The following AGPAT2 variants were observed in gnomAD, a reference collection of about 807,000 sequenced individuals.
The protein encoded by AGPAT2 is 1-acylglycerol-3-phosphate O-acyltransferase 2, also known as 1-acyl-sn-glycerol-3-phosphate acyltransferase beta.
AGPAT2 carries 18 observed loss-of-function variants against 26.1 expected under a neutral mutation model. The ratio of observed to expected loss-of-function variants is 0.69; its 90% CI spans 0.48 to 1.02. The LOEUF is 1.02. Among genes scored for constraint, AGPAT2 ranks in the 50% least tolerant of loss-of-function variants. The pLI, the probability that AGPAT2 is intolerant of heterozygous loss-of-function variation, is 0.00. For synonymous variants in AGPAT2, 200 were observed against 174.2 expected (o/e 1.15, Z -1.16); for missense variants, 415 against 394.9 (o/e 1.05, Z -0.43).
At chr9:136,678,610 T>G (rs924599825) in intron 1 of AGPAT2, among the ~76,000 whole-genome samples, 1 of 152,044 alleles carries the variant, frequency 6.6e-6, no homozygotes, top group Non-Finnish European at 1.5e-5. Flanking sequence ...CCCCCACCAT[T>G]TGATCCCCCA....
intron 3 of AGPAT2, 106 bp downstream of exon 3, chr9:136,676,855 T>C: frequency 1.4e-6 from 2 of 1,390,668 alleles, no homozygotes; most frequent in Non-Finnish European, 2.0e-6. Flanking sequence ...GCATGGATGA[T>C]GTGGGGGTCT....
intron 3 of AGPAT2, 49 bp from the exon 4 acceptor site, chr9:136,676,729 G>C: frequency 6.4e-7 from 1 of 1,555,414 alleles, no homozygotes. Flanking sequence ...GGCCACCCCA[G>C]AAAGGCCACG....
intron 1 of AGPAT2, among the ~76,000 whole-genome samples, chr9:136,684,610 C>T (rs1345679326): frequency 5.3e-5 from 8 of 152,224 alleles, no homozygotes; most frequent in African/African-American, 9.6e-5. Flanking sequence ...CAAGATGGAG[C>T]GCCCCTCCCA....
intron 1 of AGPAT2, among the ~76,000 whole-genome samples, chr9:136,684,704 G>A (rs1050262409): frequency 6.6e-6 from 1 of 152,202 alleles, no homozygotes. Flanking sequence ...AGGTACTCTG[G>A]AGTCACTGTC....
chr9:136,677,183 G>A (rs771887534), intron 2 of AGPAT2, 47 bp from the exon 3 acceptor site: 1 of 1,602,118 alleles, frequency 6.2e-7, no homozygotes. Flanking sequence ...GAGACAGCGT[G>A]CGCTGGAAGA....
At chr9:136,677,209 C>A in intron 2 of AGPAT2, 73 bp from the exon 3 acceptor site, 1 of 1,573,304 alleles carries the variant, frequency 6.4e-7, no homozygotes, top group South Asian at 1.1e-5. Context: ...GCTGAGCACC[C>A]ACAGGCCTGC....
chr9:136,677,671 G>C, intron 1 of AGPAT2, 115 bp from the exon 2 acceptor site: 1 of 1,320,588 alleles, frequency 7.6e-7, no homozygotes, highest in Non-Finnish European at 1.1e-6. Context: ...CCTGGCACGG[G>C]GCAGGAGACC....
chr9:136,681,241 C>G (rs1003878483), intron 1 of AGPAT2, among the ~76,000 whole-genome samples: 2 of 152,216 alleles, frequency 1.3e-5, no homozygotes, highest in Non-Finnish European at 2.9e-5. Context: ...CGCCCACCAC[C>G]GGCCCCTGGT....
In AGPAT2 at chr9:136,673,940, C is replaced by A; in HGVS notation, c.662-13G>T. On this transcript the variant is annotated splice_polypyrimidine_tract_variant and intron_variant, in intron 5 of 5. Transcript: ENST00000371696. ...ACTGTGACTGTTCCTGTGGGGGAAG[C>A]AACAGACCTCAGTGGCCTGTGGGGA... 1.3e-6 allele frequency: 2 copies of A among 1,533,510 alleles called. No individual in the cohort carries two copies. Among genetic ancestry groups the A allele is most frequent in the Non-Finnish European group, 1.8e-6 (2 of 1,135,516 alleles). The allele number at this position is 1,533,510 out of a possible 1,614,324, so 95.0% of individuals were successfully genotyped here.
In AGPAT2 at chr9:136,673,658, T is replaced by C. The variant is rs1588260640; in HGVS notation, c.*94A>G. 2 of 1,321,454 alleles carry C rather than the reference T, an allele frequency of 1.5e-6. No homozygotes were observed. Among genetic ancestry groups the C allele is most frequent in the African/African-American group, 1.5e-5 (1 of 66,338 alleles). 81.9% of individuals were successfully genotyped at this position (1,321,454 alleles called of 1,614,324 possible). A position where few individuals can be genotyped will look rare whatever the true frequency, so the allele number is the denominator to read the frequency against. On this transcript the variant is annotated 3_prime_UTR_variant, in exon 6 of 6. Coordinates refer to ENST00000371696, the MANE Select transcript of AGPAT2 (RefSeq NM_006412.4). ...TGAGAGCTGGGGGAGCCGGACAGAG[T>C]GGTATTTGGAAGCCGGGAGGAGTCC...
At chr9:136,684,720 G>C (rs1453083801) in intron 1 of AGPAT2, among the ~76,000 whole-genome samples, 1 of 152,214 alleles carries the variant, frequency 6.6e-6, no homozygotes, top group Non-Finnish European at 1.5e-5. Flanking sequence ...CTGTCAGTGG[G>C]TTCGAACCCC....
At chr9:136,681,489 G>A (rs1354506118) in intron 1 of AGPAT2, among the ~76,000 whole-genome samples, 2 of 152,238 alleles carry the variant, frequency 1.3e-5, no homozygotes, top group African/African-American at 4.8e-5. Flanking sequence ...AAGCTGGTGG[G>A]AAAGTCTAGA....
At chr9:136,677,363 C>T (rs1197800417) in intron 2 of AGPAT2, 60 bp downstream of exon 2, 1 of 1,611,428 alleles carries the variant, frequency 6.2e-7, no homozygotes, top group East Asian at 2.2e-5. Flanking sequence ...CAGCCCCACA[C>T]AGCCCCAGCT....
In AGPAT2 at chr9:136,676,898, GC is replaced by G. The variant is rs376021053; in HGVS notation, c.492+62del. 1,593 of 1,575,406 alleles carry G rather than the reference GC, an allele frequency of 1.0e-3. 17 individuals are homozygous for G. The African/African-American group carries it at 0.02, about 20-fold the overall frequency. ...TCTGCCAAAACCAAGTCACAAGCTG[GC>G]CCCTGCCTGGCCCCGCCCAGGCCCC... On this transcript the variant is annotated intron_variant, in intron 3 of 5. Transcript: ENST00000371696.
chr9:136,676,488 G>T (rs555518089), intron 4 of AGPAT2, 97 bp downstream of exon 4: 1 of 954,138 alleles, frequency 1.0e-6, no homozygotes, highest in Non-Finnish European at 1.6e-6. Flanking sequence ...GTGTGTCAAG[G>T]GTCCTCAGCT....
Position 136,687,442 on chromosome 9 carries a change from C to G in AGPAT2, c.-85G>C. On this transcript the variant is annotated 5_prime_UTR_variant, in exon 1 of 6. Transcript: ENST00000371696. ...CCCCGCGCGCTCAGGCCCCTTATTG[C>G]GAGGGCGGCGGGGCTGGGCGGGGCG... The G allele has an allele frequency of 8.3e-7, 1 of 1,201,576 alleles. No homozygotes were observed. The highest frequency in any genetic ancestry group is 2.2e-5 in the South Asian group (1 of 45,174). 74.4% of individuals were successfully genotyped at this position (1,201,576 alleles called of 1,614,324 possible).
chr9:136,676,728 A>G, intron 3 of AGPAT2, 48 bp from the exon 4 acceptor site: 1 of 1,567,852 alleles, frequency 6.4e-7, no homozygotes. Context: ...AGGCCACCCC[A>G]GAAAGGCCAC....
rs541978825 is a variant in AGPAT2, at chr9:136,676,673, A to G, written c.500T>C (p.Val167Ala). The G allele has an allele frequency of 6.8e-6, 11 of 1,613,396 alleles. No homozygotes were observed. The South Asian group carries it at 1.2e-4, about 18-fold the overall frequency. ...GCGAGTACCCTCGGGATAGATCCAC[A>G]CTTTGAGCTGCAGGGAGAGGAGAGC... Reference protein sequence around the residue: ...GERMVRENLKVWIYPEGTRND... With the variant: ...GERMVRENLKAWIYPEGTRND... The change falls in exon 4 of 6, where the codon GTG becomes GCG. Residue 167 changes from valine (V) to alanine (A), a missense_variant. By Grantham distance (64) the Val-to-Ala change is moderately conservative (BLOSUM62 0). Transcript: ENST00000371696.
chr9:136,681,242 G>A (rs1263852818), intron 1 of AGPAT2, among the ~76,000 whole-genome samples: 1 of 152,080 alleles, frequency 6.6e-6, no homozygotes, highest in Non-Finnish European at 1.5e-5. Flanking sequence ...GCCCACCACC[G>A]GCCCCTGGTC....
Sources: gnomAD v4.1 joint callset for allele counts (sites outside exome capture counted in the v4.1 genomes callset) on GRCh38, gnomAD v4.1.1 for gene constraint, MANE v1.5 for transcripts, NCBI Gene and HGNC (gene_info 2026-07-23, HGNC 2026-07-21) for gene names.